Variants in STPG2 observed in about 807,000 individuals in gnomAD.
STPG2 encodes the protein sperm tail PG-rich repeat containing 2.
A neutral mutation model predicts 54.2 loss-of-function variants in STPG2; 56 were observed. The ratio of observed to expected loss-of-function variants is 1.03; its 90% confidence interval spans 0.83 to 1.29. The LOEUF is 1.29. Ranked by LOEUF, STPG2 falls within the 50% of genes most tolerant of loss-of-function variation. STPG2 has a pLI of 0.00. For missense variants in STPG2, 596 were observed against 544.9 expected (o/e 1.09, Z -0.93); for synonymous variants, 200 against 181.8 (o/e 1.10, Z -0.81).
chr4:97,925,237 T>C (rs1352914806), intron 8 of STPG2, among the ~76,000 whole-genome samples: 1 of 152,220 alleles, frequency 6.6e-6, no homozygotes, highest in African/African-American at 2.4e-5. Flanking sequence ...ATTAAGTTGT[T>C]AGAATCTGGT....
chr4:97,520,816 C>G (rs960017500), intron 4 of STPG2, among the ~76,000 whole-genome samples: 3 of 151,864 alleles, frequency 2.0e-5, no homozygotes, highest in Non-Finnish European at 2.9e-5. Context: ...GAATACAAAG[C>G]TAATGATAAT....
intron 8 of STPG2, among the ~76,000 whole-genome samples, chr4:97,873,977 AT>A (rs983800158): frequency 1.3e-5 from 2 of 151,496 alleles, no homozygotes; most frequent in African/African-American, 2.4e-5. Context: ...TTTTCTTTAT[AT>A]TTTTTCTCTA....
At chr4:97,862,608 T>G (rs1342032582) in intron 8 of STPG2, among the ~76,000 whole-genome samples, 3 of 152,128 alleles carry the variant, frequency 2.0e-5, no homozygotes, top group Non-Finnish European at 4.4e-5. Flanking sequence ...AATAGACATC[T>G]GCAGAACGGT....
At chr4:97,565,300 C>T (rs546461302) in intron 10 of STPG2, among the ~76,000 whole-genome samples, 26 of 152,296 alleles carry the variant, frequency 1.7e-4, no homozygotes, top group African/African-American at 4.8e-4. Context: ...CCTTTAAGCA[C>T]TTCTCTGTAT....
intron 10 of STPG2, among the ~76,000 whole-genome samples, chr4:97,649,742 G>A (rs2148952218): frequency 6.6e-6 from 1 of 152,178 alleles, no homozygotes; most frequent in South Asian, 2.1e-4. Context: ...CTAAATTTGT[G>A]TGCTACTCCT....
At chr4:97,750,295 C>A (rs904013303) in intron 9 of STPG2, among the ~76,000 whole-genome samples, 13 of 151,914 alleles carry the variant, frequency 8.6e-5, no homozygotes, top group African/African-American at 3.1e-4. Context: ...TTCCACAAGA[C>A]AAAGCATTAA....
chr4:98,116,665 T>C (rs1739532919), intron 3 of STPG2, among the ~76,000 whole-genome samples: 1 of 151,910 alleles, frequency 6.6e-6, no homozygotes, highest in Admixed American at 6.6e-5. Context: ...TGAAGATTAA[T>C]TGTCACATTG....
At chr4:98,024,693 GA>G (rs1285419733) in intron 5 of STPG2, among the ~76,000 whole-genome samples, 2 of 152,102 alleles carry the variant, frequency 1.3e-5, no homozygotes, top group Non-Finnish European at 2.9e-5. Context: ...ATATGCCACT[GA>G]TATTATATAA....
intron 4 of STPG2, among the ~76,000 whole-genome samples, chr4:97,538,848 C>G (rs1306771338): frequency 1.3e-5 from 2 of 152,208 alleles, no homozygotes; most frequent in African/African-American, 2.4e-5. Context: ...GATCTCTCAG[C>G]AGAAACTTTA....
intron 5 of STPG2, among the ~76,000 whole-genome samples, chr4:98,096,492 T>C (rs1203070802): frequency 1.3e-5 from 2 of 152,132 alleles, no homozygotes; most frequent in East Asian, 1.9e-4. Context: ...GGAAAGTTTA[T>C]AGCAATAAGC....
At chr4:97,683,749 T>C (rs1723104718) in intron 10 of STPG2, among the ~76,000 whole-genome samples, 1 of 151,812 alleles carries the variant, frequency 6.6e-6, no homozygotes, top group Non-Finnish European at 1.5e-5. Context: ...TTCTATATAA[T>C]AGTATAAGTC....
chr4:97,598,954 C>G (rs1301481553), intron 10 of STPG2, among the ~76,000 whole-genome samples: 1 of 151,844 alleles, frequency 6.6e-6, no homozygotes, highest in Non-Finnish European at 1.5e-5. Context: ...AGAGCTTCTG[C>G]CAGCAAAAGA....
At chr4:97,906,546 T>C (rs377164354) in intron 8 of STPG2, among the ~76,000 whole-genome samples, 2 of 152,306 alleles carry the variant, frequency 1.3e-5, no homozygotes, top group East Asian at 3.9e-4. Context: ...TACCAAAGCC[T>C]GGCAGAGACA....
intron 10 of STPG2, among the ~76,000 whole-genome samples, chr4:97,587,221 T>C (rs760817798): frequency 6.6e-6 from 1 of 151,976 alleles, no homozygotes; most frequent in Non-Finnish European, 1.5e-5. Flanking sequence ...TCCCTCTTCC[T>C]CTAAATAACT....
At chr4:97,830,198 G>A (rs944410439) in intron 9 of STPG2, among the ~76,000 whole-genome samples, 1 of 152,174 alleles carries the variant, frequency 6.6e-6, no homozygotes, top group Non-Finnish European at 1.5e-5. Flanking sequence ...CTACAAGCAA[G>A]AAGAGAGTGA....
At position 97,981,176 on chromosome 4, in the gene STPG2, C is replaced by A. The variant is rs1338175373; in HGVS notation, c.755G>T (p.Arg252Met). The change falls in exon 6 of 11, where the codon AGG (arginine) becomes ATG (methionine). Residue 252 changes from arginine (R) to methionine (M), a missense_variant. Arg to Met is a moderately conservative substitution (Grantham distance 91). Transcript: ENST00000295268. The stretch of plus-strand genomic sequence containing the variant: ...TTGCTAACCTGGCATTTCCTCTGTC[C>A]TGATGTCCTGTGTGAATCGAACAGC... ...QSAVRFTQDI[R>M]TEEMPGPGFY... 1 of 1,613,836 alleles carries A rather than the reference C, an allele frequency of 6.2e-7. No individual in the cohort carries two copies. Among genetic ancestry groups the A allele is most frequent in the Non-Finnish European group, 8.5e-7 (1 of 1,179,912 alleles).
intron 10 of STPG2, among the ~76,000 whole-genome samples, chr4:97,568,908 T>TTTG (rs1553938776): frequency 0.017 from 2,522 of 150,592 alleles, 64 homozygotes; most frequent in African/African-American, 0.056. Context: ...TTGTTTTTTT[T>TTTG]TTTGTTTGTT....
At chr4:97,513,877 G>A (rs1022897849) in intron 4 of STPG2, among the ~76,000 whole-genome samples, 1 of 152,048 alleles carries the variant, frequency 6.6e-6, no homozygotes, top group African/African-American at 2.4e-5. Context: ...TCTAGCCAAT[G>A]TCACAAATCT....
intron 8 of STPG2, among the ~76,000 whole-genome samples, chr4:97,867,088 C>T (rs1729815402): frequency 6.6e-6 from 1 of 151,972 alleles, no homozygotes; most frequent in South Asian, 2.1e-4. Context: ...CCTGAAAGTG[C>T]AGCCTAGAAT....
Sources: gnomAD v4.1 joint callset for allele counts (sites outside exome capture counted in the v4.1 genomes callset) on GRCh38, gnomAD v4.1.1 for gene constraint, MANE v1.5 for transcripts, NCBI Gene and HGNC (gene_info 2026-07-23, HGNC 2026-07-21) for gene names.